The following ZNF704 variants were observed in gnomAD, a reference collection of about 807,000 sequenced individuals.
ZNF704 encodes the protein glucocorticoid induced gene 1.
Under a neutral mutation model 44.7 loss-of-function variants are expected in ZNF704, and 10 were observed. That is an observed-to-expected ratio of 0.22 (90% CI 0.14 to 0.38). ZNF704 has a LOEUF of 0.38. Ranked by LOEUF, ZNF704 falls within the 10% of genes least tolerant of loss-of-function variation. The probability of loss-of-function intolerance (pLI) is 1.00; values close to 1 mark genes in which losing one functional copy is unlikely to be tolerated. For missense variants in ZNF704, 390 were observed against 545.5 expected, an observed-to-expected ratio of 0.71 and a Z score of 2.84; for synonymous variants, 211 against 207.6, an observed-to-expected ratio of 1.02 and a Z score of -0.14.
At chr8:80,684,944 CT>C (rs1225562834) in intron 4 of ZNF704, among the ~76,000 whole-genome samples, 1 of 152,116 alleles carries the variant, frequency 6.6e-6, no homozygotes, top group Non-Finnish European at 1.5e-5. Context: ...ACAACTTGGT[CT>C]GTGTAAAATC....
chr8:80,693,848 G>C (rs1053644108), intron 2 of ZNF704, among the ~76,000 whole-genome samples: 9 of 152,192 alleles, frequency 5.9e-5, no homozygotes, highest in Non-Finnish European at 1.2e-4. Flanking sequence ...GCTTTAAGCA[G>C]GCCTAGTGAA....
chr8:80,855,345 T>TA (rs1808940822), intron 1 of ZNF704, among the ~76,000 whole-genome samples: 1 of 137,154 alleles, frequency 7.3e-6, no homozygotes, highest in East Asian at 1.9e-4. Context: ...GGTTCTTGTC[T>TA]AAAAAATCTT....
At chr8:80,826,459 G>C (rs1007966853) in intron 1 of ZNF704, among the ~76,000 whole-genome samples, 5 of 152,112 alleles carry the variant, frequency 3.3e-5, no homozygotes, top group Admixed American at 6.6e-5. Flanking sequence ...AAAAGTCCAG[G>C]AACAGACGGA....
At chr8:80,835,702 C>T (rs149703994) in intron 1 of ZNF704, among the ~76,000 whole-genome samples, 3 of 152,254 alleles carry the variant, frequency 2.0e-5, no homozygotes, top group East Asian at 1.9e-4. Context: ...TAATTTTTTC[C>T]GTTTGGCATA....
intron 7 of ZNF704, among the ~76,000 whole-genome samples, chr8:80,644,377 G>C (rs1817794082): frequency 6.6e-6 from 1 of 152,044 alleles, no homozygotes; most frequent in Admixed American, 6.5e-5. Context: ...CTAACACTAA[G>C]TAATCTTCCC....
intron 8 of ZNF704, 51 bp from the exon 9 acceptor site, chr8:80,641,528 T>C: frequency 8.2e-7 from 1 of 1,220,892 alleles, no homozygotes; most frequent in South Asian, 1.5e-5. Flanking sequence ...TCAATGGGCA[T>C]TCTATGGAGA....
chr8:80,835,638 A>T (rs1177221905), intron 1 of ZNF704, among the ~76,000 whole-genome samples: 1 of 152,214 alleles, frequency 6.6e-6, no homozygotes. Flanking sequence ...ATCTGTAGCT[A>T]TATGCTAAGG....
chr8:80,731,743 C>T (rs141826582), intron 2 of ZNF704, among the ~76,000 whole-genome samples: 91 of 152,192 alleles, frequency 6.0e-4, no homozygotes, highest in Middle Eastern at 3.4e-3. Flanking sequence ...GCCTGAGTGA[C>T]AGAGTGAGAC....
Position 80,639,449 on chromosome 8 carries a change from G to A in ZNF704, c.*1917C>T, listed in dbSNP as rs987623878. On this transcript the variant is annotated 3_prime_UTR_variant, in exon 9 of 9. Transcript: ENST00000327835. ...AAAATGCCATTTCCTGGCTGACCTT[G>A]TCAGTCTAAAACATACAGTATTGCT... The A allele has an allele frequency of 2.0e-5, 3 of 152,190 alleles. No individual in the cohort carries two copies. Among genetic ancestry groups the A allele is most frequent in the African/African-American group, 4.8e-5 (2 of 41,432 alleles). The allele number at this position is 152,190 out of a possible 1,614,324, so 9.4% of individuals were successfully genotyped here.
intron 2 of ZNF704, among the ~76,000 whole-genome samples, chr8:80,723,710 A>T (rs1378390194): frequency 1.3e-5 from 2 of 152,238 alleles, no homozygotes; most frequent in Admixed American, 6.5e-5. Flanking sequence ...TAAAATGTAA[A>T]AATCTAAGAT....
chr8:80,695,198 C>T (rs143323030), intron 2 of ZNF704, among the ~76,000 whole-genome samples: 175 of 152,306 alleles, frequency 1.1e-3, no homozygotes, highest in African/African-American at 4.0e-3. Context: ...GCCCATGTAA[C>T]GCTGGTCACA....
intron 2 of ZNF704, among the ~76,000 whole-genome samples, chr8:80,783,590 A>C (rs1345856772): frequency 6.6e-6 from 1 of 152,040 alleles, no homozygotes; most frequent in African/African-American, 2.4e-5. Flanking sequence ...GAATTAATAA[A>C]CTTTGTTTTT....
intron 1 of ZNF704, among the ~76,000 whole-genome samples, chr8:80,827,613 A>T (rs2129913154): frequency 6.6e-6 from 1 of 152,336 alleles, no homozygotes; most frequent in African/African-American, 2.4e-5. Flanking sequence ...CACATTGCCA[A>T]GTCAATCCTA....
At chr8:80,682,759 T>C (rs936619651) in intron 4 of ZNF704, among the ~76,000 whole-genome samples, 2 of 152,210 alleles carry the variant, frequency 1.3e-5, no homozygotes, top group African/African-American at 4.8e-5. Flanking sequence ...GGCAAAGTAT[T>C]AGCAGCTAAC....
chr8:80,657,538 C>T (rs1818034841), intron 7 of ZNF704, among the ~76,000 whole-genome samples: 1 of 151,918 alleles, frequency 6.6e-6, no homozygotes, highest in Non-Finnish European at 1.5e-5. Context: ...ACTAAAAATA[C>T]AAAAATTAGC....
intron 2 of ZNF704, among the ~76,000 whole-genome samples, chr8:80,723,804 C>G (rs1320983923): frequency 6.6e-6 from 1 of 152,228 alleles, no homozygotes; most frequent in East Asian, 1.9e-4. Context: ...GACCACCAAT[C>G]TAGAACAGCC....
intron 1 of ZNF704, among the ~76,000 whole-genome samples, chr8:80,847,126 C>T (rs1360964779): frequency 6.6e-6 from 1 of 152,056 alleles, no homozygotes; most frequent in African/African-American, 2.4e-5. Flanking sequence ...TGAGCTGAGA[C>T]TGAGCCACTG....
chr8:80,713,520 A>G (rs1446425526), intron 2 of ZNF704, among the ~76,000 whole-genome samples: 2 of 152,160 alleles, frequency 1.3e-5, no homozygotes, highest in Non-Finnish European at 2.9e-5. Context: ...CTACATCTTC[A>G]GTTTTTCTTA....
At chr8:80,642,425 A>G (rs1817758030) in intron 8 of ZNF704, among the ~76,000 whole-genome samples, 1 of 152,234 alleles carries the variant, frequency 6.6e-6, no homozygotes. Flanking sequence ...AGTTCGTTAC[A>G]GTCAATCTAA....
Sources: allele counts gnomAD v4.1 joint callset (sites outside exome capture counted in the v4.1 genomes callset), GRCh38; gene constraint gnomAD v4.1.1; transcripts MANE v1.5; gene names NCBI Gene and HGNC (gene_info 2026-07-23, HGNC 2026-07-21).